Variants in ELL observed in about 807,000 individuals in gnomAD.
ELL encodes the protein RNA polymerase II elongation factor ELL.
A neutral mutation model predicts 64.0 loss-of-function variants in ELL; 18 were observed. The ratio of observed to expected loss-of-function variants is 0.28; its 90% CI spans 0.19 to 0.42. The LOEUF is 0.42. ELL is among the 10% of genes least tolerant of loss of function. The pLI is 1.00. For synonymous variants in ELL, 399 were observed against 376.2 expected, an observed-to-expected ratio of 1.06 and a Z score of -0.70; for missense variants, 797 against 870.4, an observed-to-expected ratio of 0.92 and a Z score of 1.06.
At chr19:18,461,875 AG>A in intron 4 of ELL, 23 bp from the exon 5 acceptor site, 1 of 1,601,972 alleles carries the variant, frequency 6.2e-7, no homozygotes, top group Non-Finnish European at 8.5e-7. Context: ...TCCAAGCTTT[AG>A]GGAACAGAGA....
chr19:18,508,317 A>G (rs1330412643), intron 1 of ELL, among the ~76,000 whole-genome samples: 1 of 152,250 alleles, frequency 6.6e-6, no homozygotes, highest in Non-Finnish European at 1.5e-5. Flanking sequence ...TCTAAAAAAT[A>G]AAAACAAAAA....
intron 1 of ELL, among the ~76,000 whole-genome samples, chr19:18,473,829 G>A (rs1270625977): frequency 6.6e-6 from 1 of 151,734 alleles, no homozygotes. Context: ...TGGCCCCACT[G>A]CCCCACTCAG....
At chr19:18,453,789 C>G (rs1974592543) in intron 6 of ELL, among the ~76,000 whole-genome samples, 1 of 152,070 alleles carries the variant, frequency 6.6e-6, no homozygotes, top group African/African-American at 2.4e-5. Context: ...GAACTTGAGC[C>G]CAGGCTTGGG....
rs1190868050 is a variant in ELL at position 18,443,495 on chromosome 19, C to G, written c.*1257G>C. ...CCCTGAGTCACAGCCGCCATCCACC[C>G]CCCACCACCTTTCCAAGTCATGGCT... On this transcript the variant is annotated 3_prime_UTR_variant, in exon 12 of 12. Coordinates refer to ENST00000262809, the MANE Select transcript of ELL (RefSeq NM_006532.4). 1 of 233,528 alleles carries G rather than the reference C, an allele frequency of 4.3e-6. No individual in the cohort carries two copies. Among genetic ancestry groups the G allele is most frequent in the Non-Finnish European group, 8.5e-6 (1 of 118,068 alleles). 14.5% of individuals were successfully genotyped at this position (233,528 alleles called of 1,614,324 possible). A position where few individuals can be genotyped will look rare whatever the true frequency, so the allele number is the denominator to read the frequency against.
At chr19:18,519,186 C>T (rs911617516) in intron 1 of ELL, among the ~76,000 whole-genome samples, 2 of 151,186 alleles carry the variant, frequency 1.3e-5, no homozygotes, top group African/African-American at 4.9e-5. Flanking sequence ...CACGAAAAAT[C>T]GCACCACTGC....
chr19:18,500,668 G>C (rs1200658019), intron 1 of ELL, among the ~76,000 whole-genome samples: 1 of 152,160 alleles, frequency 6.6e-6, no homozygotes, highest in African/African-American at 2.4e-5. Context: ...CTCTTGGCGA[G>C]CTCTCCCTGT....
At chr19:18,472,769 A>C (rs1403516363) in intron 2 of ELL, 66 bp downstream of exon 2, 5 of 1,563,650 alleles carry the variant, frequency 3.2e-6, no homozygotes, top group African/African-American at 1.4e-5. Context: ...CCCAGCGAGC[A>C]AGGACAGACC....
At chr19:18,454,984 AC>A (rs1974627152) in intron 6 of ELL, among the ~76,000 whole-genome samples, 1 of 151,072 alleles carries the variant, frequency 6.6e-6, no homozygotes, top group Admixed American at 6.6e-5. Context: ...TACTAAAAAT[AC>A]AAAAAATTAG....
rs143189754 is a variant in ELL at position 18,464,979 on chromosome 19, G to A, written c.469+433C>T. 2.3e-3 allele frequency among the ~76,000 whole-genome samples: 343 copies of A among 152,344 alleles called. 1 individual carries two copies. Among genetic ancestry groups the A allele is most frequent in the African/African-American group, 8.0e-3 (332 of 41,586 alleles). On this transcript the variant is annotated intron_variant, in intron 4 of 11. Transcript: ENST00000262809. ...CTGTGGTGGCGTTGGGCAGGAGCTG[G>A]CTGGTCAGGTGAGGGTGGGGGCAGC...
chr19:18,496,054 C>T (rs1975646119), intron 1 of ELL, among the ~76,000 whole-genome samples: 2 of 152,184 alleles, frequency 1.3e-5, no homozygotes, highest in African/African-American at 4.8e-5. Flanking sequence ...GAGATGCAGG[C>T]ACAGTGCCAC....
At chr19:18,514,879 G>A (rs1976098058) in intron 1 of ELL, among the ~76,000 whole-genome samples, 1 of 152,348 alleles carries the variant, frequency 6.6e-6, no homozygotes, top group African/African-American at 2.4e-5. Context: ...GAAAACTAGG[G>A]TCTCTTCCCT....
rs530594631 is a variant in ELL, at chr19:18,482,308, C to CTTTTTTTTT, written c.136-9435_136-9427dup. ...TAGTCCATGGCTTGTCTTTTCATTC[C>CTTTTTTTTT]TTTTTTTTTTTTTTTTTTTTTTTTT... On this transcript the variant is annotated intron_variant, in intron 1 of 11. Coordinates refer to ENST00000262809, the MANE Select transcript of ELL (RefSeq NM_006532.4). Among the ~76,000 whole-genome samples the CTTTTTTTTT allele has an allele frequency of 1.5e-3, 115 of 77,546 alleles. 20 individuals carry two copies. Among genetic ancestry groups the CTTTTTTTTT allele is most frequent in the African/African-American group, 5.0e-3 (77 of 15,320 alleles). 50.9% of individuals were successfully genotyped at this position (77,546 alleles called of 152,430 possible). A position where few individuals can be genotyped will look rare whatever the true frequency, so the allele number is the denominator to read the frequency against.
chr19:18,453,182 G>A (rs1974575760), intron 6 of ELL, among the ~76,000 whole-genome samples: 1 of 152,252 alleles, frequency 6.6e-6, no homozygotes, highest in Non-Finnish European at 1.5e-5. Context: ...GCTGAAGCAG[G>A]AGAATCACTT....
At chr19:18,462,486 C>A (rs1036478307) in intron 4 of ELL, among the ~76,000 whole-genome samples, 1 of 151,690 alleles carries the variant, frequency 6.6e-6, no homozygotes, top group East Asian at 1.9e-4. Context: ...TGGGCTCAAG[C>A]GATCCTCCCA....
In ELL at chr19:18,450,528, C is replaced by A; in HGVS notation, c.1414G>T (p.Asp472Tyr). 6.2e-7 allele frequency: 1 copy of A among 1,613,290 alleles called. No homozygotes were observed. The highest frequency in any genetic ancestry group is 8.5e-7 in the Non-Finnish European group (1 of 1,179,950). ...AEDKPRAQLP[D>Y]CAPATHATPG... Reference sequence around the variant, plus strand: ...GTGGCATGGGTGGCAGGTGCACAGTCTGGAAGCTGGGCCCGGGGCTTGTCC... The same window carrying A: ...GTGGCATGGGTGGCAGGTGCACAGTATGGAAGCTGGGCCCGGGGCTTGTCC... The change falls in exon 8 of 12, where the codon GAC becomes TAC. Residue 472 changes from aspartate to tyrosine, a missense_variant. Transcript: ENST00000262809.
chr19:18,461,097 C>T (rs1281949874), intron 5 of ELL, among the ~76,000 whole-genome samples: 2 of 152,208 alleles, frequency 1.3e-5, no homozygotes, highest in Non-Finnish European at 2.9e-5. Context: ...GGGAGGGGCA[C>T]TGCAGGTCAC....
chr19:18,455,566 C>T lies in ELL; in HGVS notation c.869+2639G>A, dbSNP rs982024983. 6.6e-5 allele frequency among the ~76,000 whole-genome samples: 10 copies of T among 151,582 alleles called. No individual in the cohort carries two copies. The East Asian group carries it at 1.4e-3, about 21-fold the overall frequency. ...ACTCTTAGAAACTAGAAATAATAGG[C>T]CTTGCATGGTGGCTCACATGTGTAA... On this transcript the variant is annotated intron_variant, in intron 6 of 11. Coordinates refer to ENST00000262809, the MANE Select transcript of ELL (RefSeq NM_006532.4).
intron 4 of ELL, among the ~76,000 whole-genome samples, chr19:18,462,839 T>A (rs1197701818): frequency 6.6e-6 from 1 of 152,182 alleles, no homozygotes; most frequent in Non-Finnish European, 1.5e-5. Flanking sequence ...TCGGAGCCAC[T>A]TTCAGCAGCT....
Position 18,443,201 on chromosome 19 carries a change from C to A in ELL, c.*1551G>T, listed in dbSNP as rs952622103. The A allele has an allele frequency of 8.6e-6, 2 of 231,894 alleles. No homozygotes were observed. The highest frequency in any genetic ancestry group is 4.4e-5 in the African/African-American group (2 of 45,240). 14.4% of individuals were successfully genotyped at this position (231,894 alleles called of 1,614,324 possible). A position where few individuals can be genotyped will look rare whatever the true frequency, so the allele number is the denominator to read the frequency against. On this transcript the variant is annotated 3_prime_UTR_variant, in exon 12 of 12. Coordinates refer to ENST00000262809, the MANE Select transcript of ELL (RefSeq NM_006532.4). ...GAGCCTGCTCGGCCCTTCCCCGGCC[C>A]GGCCCGGCCCAAAGAGAAAAACAAC...
Sources: allele counts gnomAD v4.1 joint callset (sites outside exome capture counted in the v4.1 genomes callset), GRCh38; gene constraint gnomAD v4.1.1; transcripts MANE v1.5; gene names NCBI Gene and HGNC (gene_info 2026-07-23, HGNC 2026-07-21).